Variants in PRKCA observed in about 807,000 individuals in gnomAD.
PRKCA encodes protein kinase C alpha type.
A neutral mutation model predicts 87.0 loss-of-function variants in PRKCA; 27 were observed. The observed-to-expected ratio is 0.31, with a 90% CI of 0.23 to 0.43. The LOEUF (loss-of-function observed/expected upper bound fraction) is 0.43. PRKCA is among the 20% of genes least tolerant of loss of function. The pLI is 1.00. For synonymous variants in PRKCA, 329 were observed against 311.1 expected (o/e 1.06, Z -0.61); for missense variants, 518 against 852.3 (o/e 0.61, Z 4.88).
At chr17:66,594,299 A>C (rs1428803697) in intron 3 of PRKCA, among the ~76,000 whole-genome samples, 3 of 152,148 alleles carry the variant, frequency 2.0e-5, no homozygotes, top group Non-Finnish European at 4.4e-5. Context: ...TCTTCCTGGC[A>C]TATGTTGGTT....
chr17:66,677,221 A>C (rs1972361126), intron 5 of PRKCA: 1 of 152,054 alleles, frequency 6.6e-6, no homozygotes. Context: ...CTGGGACTAC[A>C]GGCGCACGCT....
intron 1 of PRKCA, among the ~76,000 whole-genome samples, chr17:66,305,241 T>A (rs1904752418): frequency 1.3e-5 from 2 of 152,354 alleles, no homozygotes; most frequent in African/African-American, 4.8e-5. Context: ...CTGATATTTT[T>A]AAGCGAAATG....
At chr17:66,332,458 C>T (rs560621697) in intron 2 of PRKCA, among the ~76,000 whole-genome samples, 62 of 152,052 alleles carry the variant, frequency 4.1e-4, no homozygotes, top group Non-Finnish European at 7.7e-4. Flanking sequence ...GAACTCCTGA[C>T]GTCAGGTGAT....
At chr17:66,766,606 G>A (rs927968238) in intron 13 of PRKCA, among the ~76,000 whole-genome samples, 3 of 151,992 alleles carry the variant, frequency 2.0e-5, no homozygotes, top group Non-Finnish European at 4.4e-5. Flanking sequence ...TCAGGAGTTC[G>A]AGACCAGTCT....
chr17:66,367,860 C>A (rs1374533751), intron 2 of PRKCA, among the ~76,000 whole-genome samples: 4 of 152,176 alleles, frequency 2.6e-5, no homozygotes, highest in African/African-American at 9.7e-5. Flanking sequence ...AGGTGAAAGA[C>A]CCTCTGCAAA....
chr17:66,430,800 A>T (rs1225339996), intron 2 of PRKCA, among the ~76,000 whole-genome samples: 1 of 152,090 alleles, frequency 6.6e-6, no homozygotes, highest in Non-Finnish European at 1.5e-5. Flanking sequence ...TGGCCAAGTG[A>T]TAGGATGCAG....
chr17:66,387,820 G>C (rs185955887), intron 2 of PRKCA, among the ~76,000 whole-genome samples: 4 of 152,202 alleles, frequency 2.6e-5, no homozygotes, highest in Admixed American at 2.0e-4. Flanking sequence ...GAGGCCACTT[G>C]ACATGGCGAT....
Position 66,471,710 on chromosome 17 carries a change from G to A in PRKCA, c.206-24491G>A, listed in dbSNP as rs545042768. 1.3e-3 allele frequency among the ~76,000 whole-genome samples: 192 copies of A among 150,614 alleles called. 1 individual carries two copies. Among genetic ancestry groups the A allele is most frequent in the African/African-American group, 4.7e-3 (190 of 40,556 alleles). On this transcript the variant is annotated intron_variant, in intron 2 of 16. Transcript: ENST00000413366. ...AGTGAAAGTTACTTTTTAAAAATGG[G>A]CTGAAGAGTGAGAAATGAATCTGAC...
chr17:66,780,015 C>G (rs1409999520), intron 14 of PRKCA, among the ~76,000 whole-genome samples: 1 of 152,184 alleles, frequency 6.6e-6, no homozygotes, highest in South Asian at 2.1e-4. Context: ...TTGCCTTCAA[C>G]GCCAGGGCCT....
In PRKCA at chr17:66,770,921, C is replaced by T. The variant is rs575880751; in HGVS notation, c.1525-3066C>T. 9.4e-4 allele frequency among the ~76,000 whole-genome samples: 142 copies of T among 151,842 alleles called. 2 individuals carry two copies. Among genetic ancestry groups the T allele is most frequent in the South Asian group, 2.9e-3 (14 of 4,798 alleles). ...GAAGATAACTGGGATAATCTTAAGGCCAGAAGTTTGAGAATTTGGAAAACG... is the reference window on the plus strand; with the variant it reads ...GAAGATAACTGGGATAATCTTAAGGTCAGAAGTTTGAGAATTTGGAAAACG... On this transcript the variant is annotated intron_variant, in intron 13 of 16. Transcript: ENST00000413366.
chr17:66,546,882 T>C (rs1407884977), intron 3 of PRKCA, among the ~76,000 whole-genome samples: 1 of 152,204 alleles, frequency 6.6e-6, no homozygotes, highest in Non-Finnish European at 1.5e-5. Flanking sequence ...TCCAACAATA[T>C]TATACCACAT....
intron 2 of PRKCA, among the ~76,000 whole-genome samples, chr17:66,479,580 A>T (rs576843772): frequency 6.6e-6 from 1 of 152,294 alleles, no homozygotes; most frequent in East Asian, 1.9e-4. Context: ...CACTATTCAC[A>T]ATAGGAAAGA....
chr17:66,363,647 G>A (rs1045815061), intron 2 of PRKCA, among the ~76,000 whole-genome samples: 1 of 152,240 alleles, frequency 6.6e-6, no homozygotes, highest in Non-Finnish European at 1.5e-5. Flanking sequence ...GCTCTGCACT[G>A]TGCTAGCCAC....
chr17:66,572,424 A>T (rs1969108840), intron 3 of PRKCA, among the ~76,000 whole-genome samples: 1 of 152,110 alleles, frequency 6.6e-6, no homozygotes, highest in African/African-American at 2.4e-5. Context: ...CCAAGATTGC[A>T]CCATGACACT....
intron 2 of PRKCA, among the ~76,000 whole-genome samples, chr17:66,317,626 A>G (rs1905392806): frequency 6.6e-6 from 1 of 151,904 alleles, no homozygotes; most frequent in South Asian, 2.1e-4. Context: ...TTATCTCTTC[A>G]TTTTTTTCCT....
intron 13 of PRKCA, among the ~76,000 whole-genome samples, chr17:66,750,988 T>C (rs756479970): frequency 3.9e-5 from 6 of 152,228 alleles, no homozygotes; most frequent in South Asian, 2.1e-4. Context: ...AGGCCTGTTA[T>C]TGGCTTTCAG....
chr17:66,766,653 C>T (rs1462951962), intron 13 of PRKCA, among the ~76,000 whole-genome samples: 1 of 151,918 alleles, frequency 6.6e-6, no homozygotes, highest in Non-Finnish European at 1.5e-5. Flanking sequence ...ACTAAAAATA[C>T]AAAAATTAGC....
At chr17:66,727,702 A>C (rs1973790263) in intron 8 of PRKCA, among the ~76,000 whole-genome samples, 1 of 152,116 alleles carries the variant, frequency 6.6e-6, no homozygotes. Flanking sequence ...AAGAAATAGC[A>C]GTTGAGCTGG....
chr17:66,761,381 A>AG (rs139397125), intron 13 of PRKCA, among the ~76,000 whole-genome samples: 1 of 151,374 alleles, frequency 6.6e-6, no homozygotes, highest in East Asian at 1.9e-4. Flanking sequence ...AAAAAAAAAA[A>AG]GATACATAGT....
Sources: allele counts gnomAD v4.1 joint callset (sites outside exome capture counted in the v4.1 genomes callset), GRCh38; gene constraint gnomAD v4.1.1; transcripts MANE v1.5; gene names NCBI Gene and HGNC (gene_info 2026-07-23, HGNC 2026-07-21).